MARCHF1: variants seen among roughly 807,000 people sequenced by gnomAD.
MARCHF1 encodes the protein membrane associated ring-CH-type finger 1, also known as E3 ubiquitin-protein ligase MARCHF1.
A neutral mutation model predicts 54.2 loss-of-function variants in MARCHF1; 40 were observed. The ratio of observed to expected loss-of-function variants is 0.74; its 90% CI spans 0.57 to 0.96. The LOEUF is 0.96. MARCHF1 is among the 40% of genes least tolerant of loss of function. MARCHF1 has a pLI of 0.00. For missense variants in MARCHF1, 586 were observed against 656.5 expected, an observed-to-expected ratio of 0.89 and a Z score of 1.17; for synonymous variants, 236 against 236.3, an observed-to-expected ratio of 1.00 and a Z score of 0.01.
intron 8 of MARCHF1, among the ~76,000 whole-genome samples, chr4:163,551,120 G>C (rs1739094465): frequency 6.6e-6 from 1 of 152,028 alleles, no homozygotes; most frequent in South Asian, 2.1e-4. Flanking sequence ...AATGAGTTTT[G>C]TTTTCTGGCT....
At chr4:163,870,370 T>G (rs1449498199) in intron 3 of MARCHF1, among the ~76,000 whole-genome samples, 1 of 152,166 alleles carries the variant, frequency 6.6e-6, no homozygotes, top group East Asian at 1.9e-4. Flanking sequence ...TCCAAATACA[T>G]TTAAGATATG....
intron 2 of MARCHF1, among the ~76,000 whole-genome samples, chr4:164,005,972 T>C (rs2110928513): frequency 6.6e-6 from 1 of 151,986 alleles, no homozygotes; most frequent in Admixed American, 6.5e-5. Flanking sequence ...AGCAAACATA[T>C]CCAATGAAAA....
intron 2 of MARCHF1, among the ~76,000 whole-genome samples, chr4:164,019,004 G>T (rs1753605501): frequency 6.6e-6 from 1 of 152,122 alleles, no homozygotes; most frequent in South Asian, 2.1e-4. Flanking sequence ...CTTATTTCCT[G>T]CTGATCTCTC....
chr4:163,830,789 A>C (rs1284605782), intron 4 of MARCHF1, among the ~76,000 whole-genome samples: 1 of 152,122 alleles, frequency 6.6e-6, no homozygotes, highest in African/African-American at 2.4e-5. Context: ...AATTTTTAAA[A>C]ATAAAATTAA....
intron 4 of MARCHF1, among the ~76,000 whole-genome samples, chr4:163,791,897 T>C (rs951402010): frequency 4.6e-5 from 7 of 152,156 alleles, no homozygotes; most frequent in African/African-American, 1.7e-4. Context: ...AGCCACCTTT[T>C]GCCCCTATTA....
At chr4:164,175,238 AAATTATCCACAATTG>A (rs1239067127) in intron 1 of MARCHF1, among the ~76,000 whole-genome samples, 5 of 152,178 alleles carry the variant, frequency 3.3e-5, no homozygotes, top group Admixed American at 2.0e-4. Context: ...TTTTATTACA[AAATTATCCACAATTG>A]AATTATCCAC....
chr4:164,213,067 T>C (rs1731821865), intron 1 of MARCHF1, among the ~76,000 whole-genome samples: 1 of 151,966 alleles, frequency 6.6e-6, no homozygotes. Flanking sequence ...TTACTGCATA[T>C]ATATTATATA....
chr4:163,731,137 C>T (rs1194104469), intron 4 of MARCHF1, among the ~76,000 whole-genome samples: 1 of 152,032 alleles, frequency 6.6e-6, no homozygotes, highest in Non-Finnish European at 1.5e-5. Flanking sequence ...AAGTAAAGCC[C>T]CCTATGACCA....
intron 3 of MARCHF1, among the ~76,000 whole-genome samples, chr4:163,918,175 G>A (rs191197336): frequency 6.6e-6 from 1 of 152,066 alleles, no homozygotes; most frequent in Non-Finnish European, 1.5e-5. Flanking sequence ...GCTTGTTTTT[G>A]TTAGGCTTGT....
chr4:164,373,520 A>G (rs1578910178), intron 1 of MARCHF1, among the ~76,000 whole-genome samples: 1 of 151,834 alleles, frequency 6.6e-6, no homozygotes, highest in East Asian at 1.9e-4. Flanking sequence ...ATGCCCAGCT[A>G]ATTTTTGTAT....
At chr4:163,928,051 T>C (rs1751575696) in intron 3 of MARCHF1, among the ~76,000 whole-genome samples, 1 of 151,876 alleles carries the variant, frequency 6.6e-6, no homozygotes, top group Admixed American at 6.6e-5. Context: ...GGTATATATA[T>C]AGTTTACTCA....
intron 1 of MARCHF1, among the ~76,000 whole-genome samples, chr4:164,238,400 A>T (rs1012824544): frequency 6.6e-6 from 1 of 152,108 alleles, no homozygotes; most frequent in Non-Finnish European, 1.5e-5. Context: ...GATTTTGCAT[A>T]CCAAATATTC....
At chr4:164,291,840 G>A (rs1734291000) in intron 1 of MARCHF1, among the ~76,000 whole-genome samples, 1 of 152,018 alleles carries the variant, frequency 6.6e-6, no homozygotes, top group Admixed American at 6.6e-5. Flanking sequence ...GCATCATTAT[G>A]TGGGCCATGA....
At chr4:163,882,029 A>G (rs1031444544) in intron 3 of MARCHF1, among the ~76,000 whole-genome samples, 5 of 152,214 alleles carry the variant, frequency 3.3e-5, no homozygotes, top group African/African-American at 1.2e-4. Flanking sequence ...AATGGTAGCT[A>G]GTGTTTGCAG....
At chr4:163,777,569 G>A (rs1301414708) in intron 4 of MARCHF1, among the ~76,000 whole-genome samples, 1 of 152,054 alleles carries the variant, frequency 6.6e-6, no homozygotes, top group Non-Finnish European at 1.5e-5. Context: ...AAGAGGTTGG[G>A]ACCAGCAGAT....
Position 164,340,405 on chromosome 4 carries a change from T to TTATATACATATATATA in MARCHF1, c.-323+43464_-323+43465insTATATATATGTATATA, listed in dbSNP as rs58808830. Reference sequence around the variant, plus strand: ...ACAGCACATGCCACCAGGCCTTGATTTATATATAGATATATATATATATAT... The same window carrying TTATATACATATATATA: ...ACAGCACATGCCACCAGGCCTTGATTTATATACATATATATATATATATAGATATATATATATATAT... On this transcript the variant is annotated intron_variant, in intron 1 of 9. Coordinates refer to ENST00000514618, the MANE Select transcript of MARCHF1 (RefSeq NM_001394959.1). Among the ~76,000 whole-genome samples, 63 of 95,640 alleles carry TTATATACATATATATA rather than the reference T, an allele frequency of 6.6e-4. 2 individuals are homozygous for TTATATACATATATATA. The highest frequency in any genetic ancestry group is 2.1e-3 in the African/African-American group (58 of 27,868). 62.7% of individuals were successfully genotyped at this position (95,640 alleles called of 152,430 possible).
chr4:163,770,151 C>CTT (rs1747112346), intron 4 of MARCHF1, among the ~76,000 whole-genome samples: 2 of 151,954 alleles, frequency 1.3e-5, no homozygotes, highest in South Asian at 4.1e-4. Flanking sequence ...ACTATGTTGT[C>CTT]AGTAAGGGTT....
At chr4:164,092,496 T>C (rs909560345) in intron 2 of MARCHF1, among the ~76,000 whole-genome samples, 1 of 152,134 alleles carries the variant, frequency 6.6e-6, no homozygotes, top group African/African-American at 2.4e-5. Flanking sequence ...GGATGTGATA[T>C]ATATAAACAG....
At chr4:164,245,104 T>G (rs1168113899) in intron 1 of MARCHF1, among the ~76,000 whole-genome samples, 1 of 152,110 alleles carries the variant, frequency 6.6e-6, no homozygotes, top group African/African-American at 2.4e-5. Context: ...CCTAACTCAT[T>G]TTATGAGGCC....
Sources: allele counts gnomAD v4.1 joint callset (sites outside exome capture counted in the v4.1 genomes callset), GRCh38; gene constraint gnomAD v4.1.1; transcripts MANE v1.5; gene names NCBI Gene and HGNC (gene_info 2026-07-23, HGNC 2026-07-21).